Variants in PCCA observed in about 807,000 individuals in gnomAD.
The protein encoded by PCCA is propionyl-CoA carboxylase subunit alpha.
PCCA carries 74 observed loss-of-function variants against 101.3 expected under a neutral mutation model. The ratio of observed to expected loss-of-function variants is 0.73; its 90% CI spans 0.61 to 0.89. The LOEUF (loss-of-function observed/expected upper bound fraction) is 0.89, where lower values mean the gene tolerates loss of function less well. Ranked by LOEUF, PCCA falls within the 40% of genes least tolerant of loss-of-function variation. The pLI, the probability that PCCA is intolerant of heterozygous loss-of-function variation, is 0.00. For synonymous variants in PCCA, 294 were observed against 313.6 expected, an observed-to-expected ratio of 0.94 and a Z score of 0.66; for missense variants, 891 against 907.0, an observed-to-expected ratio of 0.98 and a Z score of 0.23.
intron 21 of PCCA, among the ~76,000 whole-genome samples, chr13:100,500,447 T>A (rs1266428745): frequency 2.0e-5 from 3 of 152,242 alleles, no homozygotes; most frequent in Non-Finnish European, 4.4e-5. Context: ...GTTACCTTGC[T>A]AAATTTTCTA....
chr13:100,204,775 T>G (rs1024278633), intron 6 of PCCA, among the ~76,000 whole-genome samples: 1 of 152,156 alleles, frequency 6.6e-6, no homozygotes, highest in African/African-American at 2.4e-5. Flanking sequence ...AGCAGTGATT[T>G]CAGCTTTTCA....
chr13:100,500,418 CAT>C (rs936967102), intron 21 of PCCA, among the ~76,000 whole-genome samples: 22 of 152,292 alleles, frequency 1.4e-4, no homozygotes, highest in Admixed American at 1.1e-3. Flanking sequence ...GTAATAATAA[CAT>C]GTGCATTCCA....
chr13:100,484,583 A>C (rs1207736682), intron 21 of PCCA, among the ~76,000 whole-genome samples: 1 of 152,006 alleles, frequency 6.6e-6, no homozygotes. Flanking sequence ...AGATGTTTGA[A>C]TTTTTCTTTT....
intron 16 of PCCA, among the ~76,000 whole-genome samples, chr13:100,325,156 G>A (rs952110308): frequency 6.6e-6 from 1 of 152,128 alleles, no homozygotes; most frequent in African/African-American, 2.4e-5. Flanking sequence ...ACACCAGCAG[G>A]TGTGAAAATC....
rs1453067363 is a variant in PCCA, at chr13:100,458,428, CACACACACACAT to C, written c.1899+9135_1899+9146del. Among the ~76,000 whole-genome samples the C allele has an allele frequency of 1.7e-3, 152 of 88,342 alleles. 1 individual carries two copies. In the East Asian group the frequency reaches 0.031, roughly 18 times the overall value. The allele number at this position is 88,342 out of a possible 152,430, so 58.0% of individuals were successfully genotyped here. On this transcript the variant is annotated intron_variant, in intron 21 of 23. Transcript: ENST00000376285. ...GTGGGACCCCATCTCTGCGCGCACA[CACACACACACAT>C]ACACACACACACACACACACACACA...
At chr13:100,156,452 G>A (rs1430746135) in intron 5 of PCCA, among the ~76,000 whole-genome samples, 1 of 152,112 alleles carries the variant, frequency 6.6e-6, no homozygotes, top group East Asian at 1.9e-4. Flanking sequence ...TCTCTTTTTA[G>A]CAGAATTATT....
At chr13:100,251,385 A>C (rs527745114) in intron 8 of PCCA, among the ~76,000 whole-genome samples, 1 of 152,314 alleles carries the variant, frequency 6.6e-6, no homozygotes, top group African/African-American at 2.4e-5. Context: ...TGTAGGTGAC[A>C]TAGATTACAG....
intron 19 of PCCA, among the ~76,000 whole-genome samples, chr13:100,388,374 G>A (rs983982078): frequency 6.6e-6 from 1 of 152,174 alleles, no homozygotes; most frequent in Non-Finnish European, 1.5e-5. Context: ...TAAGGTGGGA[G>A]GATCAAGTGA....
chr13:100,379,694 G>A (rs981236533), intron 19 of PCCA, among the ~76,000 whole-genome samples: 3 of 152,124 alleles, frequency 2.0e-5, no homozygotes, highest in Admixed American at 2.0e-4. Context: ...CATGCAGCAG[G>A]CAGGAGAGCG....
rs117603799 is a variant in PCCA, at chr13:100,114,242, C to T, written c.300+2181C>T. Among the ~76,000 whole-genome samples, 34 of 152,052 alleles carry T rather than the reference C, an allele frequency of 2.2e-4. 1 individual carries two copies. The East Asian group carries it at 6.6e-3, about 29-fold the overall frequency. ...TAGTAACTAGAATGTATAAGGAGCTCAAACAACTCTATAGGAAAAAAATCT... is the reference window on the plus strand; with the variant it reads ...TAGTAACTAGAATGTATAAGGAGCTTAAACAACTCTATAGGAAAAAAATCT... On this transcript the variant is annotated intron_variant, in intron 4 of 23. Transcript: ENST00000376285.
In PCCA at chr13:100,394,747, T is replaced by C. The variant is rs576406354; in HGVS notation, c.1746+26173T>C. ...TTGAAAGAATGAAATATATCCTTCA[T>C]AGTAAAATTATGTTTTTTAAAAAAT... On this transcript the variant is annotated intron_variant, in intron 19 of 23. Transcript: ENST00000376285. This position sits in a 1 kb window ranked among gnomAD's most constrained non-coding sequence, Gnocchi z 4.3. Among the ~76,000 whole-genome samples the C allele has an allele frequency of 1.3e-5, 2 of 152,314 alleles. No homozygotes were observed. The highest frequency in any genetic ancestry group is 2.1e-4 in the South Asian group (1 of 4,826).
chr13:100,231,013 C>T (rs2060438340), intron 7 of PCCA, among the ~76,000 whole-genome samples: 1 of 152,188 alleles, frequency 6.6e-6, no homozygotes, highest in African/African-American at 2.4e-5. Context: ...GTCCCAGACA[C>T]TGTTTTTCAC....
chr13:100,170,596 C>T (rs2055534130), intron 6 of PCCA, among the ~76,000 whole-genome samples: 1 of 152,192 alleles, frequency 6.6e-6, no homozygotes. Flanking sequence ...TATGGTGTAG[C>T]GCCTGTCTGT....
At chr13:100,469,126 G>A (rs368159795) in intron 21 of PCCA, among the ~76,000 whole-genome samples, 248 of 149,228 alleles carry the variant, frequency 1.7e-3, no homozygotes, top group African/African-American at 6.0e-3. Flanking sequence ...CAGGAGAATC[G>A]CTTGAACCCA....
At chr13:100,422,586 A>G (rs1005624909) in intron 19 of PCCA, among the ~76,000 whole-genome samples, 1 of 152,150 alleles carries the variant, frequency 6.6e-6, no homozygotes, top group Non-Finnish European at 1.5e-5. Flanking sequence ...ACAGTTACAT[A>G]TTCTTTCTAA....
intron 1 of PCCA, among the ~76,000 whole-genome samples, chr13:100,095,794 G>C (rs895279361): frequency 6.6e-6 from 1 of 152,198 alleles, no homozygotes; most frequent in Non-Finnish European, 1.5e-5. Flanking sequence ...AGAGTCATCA[G>C]GGGCTTGTAT....
chr13:100,311,751 C>T (rs1438750923), intron 16 of PCCA, among the ~76,000 whole-genome samples: 2 of 152,152 alleles, frequency 1.3e-5, no homozygotes, highest in African/African-American at 2.4e-5. Context: ...GCCTGGGTGA[C>T]AGTGTAAGAC....
At chr13:100,192,701 A>G (rs890455594) in intron 6 of PCCA, among the ~76,000 whole-genome samples, 7 of 152,212 alleles carry the variant, frequency 4.6e-5, no homozygotes, top group African/African-American at 1.7e-4. Context: ...TGTCTTAAAA[A>G]GAAAAGAACG....
chr13:100,529,182 C>T (rs1384255555), intron 23 of PCCA, among the ~76,000 whole-genome samples: 2 of 152,140 alleles, frequency 1.3e-5, no homozygotes, highest in Non-Finnish European at 2.9e-5. Flanking sequence ...GCCCTGGTTC[C>T]TACCTGCGAG....
Sources: allele counts gnomAD v4.1 joint callset (sites outside exome capture counted in the v4.1 genomes callset), GRCh38; gene constraint gnomAD v4.1.1; non-coding constraint Gnocchi (gnomAD v3.1); transcripts MANE v1.5; gene names NCBI Gene and HGNC (gene_info 2026-07-23, HGNC 2026-07-21).